The following SRBD1 variants were observed in gnomAD, a reference collection of about 807,000 sequenced individuals.
SRBD1 encodes S1 RNA-binding domain-containing protein 1.
A neutral mutation model predicts 115.3 loss-of-function variants in SRBD1; 88 were observed. The observed-to-expected ratio is 0.76, with a 90% confidence interval of 0.64 to 0.91. The LOEUF (loss-of-function observed/expected upper bound fraction) is 0.91. Ranked by LOEUF, SRBD1 falls within the 40% of genes least tolerant of loss-of-function variation. The pLI is 0.00. For synonymous variants in SRBD1, 509 were observed against 407.7 expected (o/e 1.25, Z -2.99); for missense variants, 1,385 against 1,177.4 (o/e 1.18, Z -2.58).
intron 14 of SRBD1, among the ~76,000 whole-genome samples, chr2:45,494,125 G>C (rs1057209224): frequency 6.6e-6 from 1 of 151,968 alleles, no homozygotes; most frequent in Non-Finnish European, 1.5e-5. Flanking sequence ...CTTTCATTAA[G>C]AATTATTATT....
At chr2:45,535,341 G>C (rs1247473114) in intron 14 of SRBD1, among the ~76,000 whole-genome samples, 1 of 151,982 alleles carries the variant, frequency 6.6e-6, no homozygotes, top group African/African-American at 2.4e-5. Flanking sequence ...AATAGGTTAA[G>C]ACCAAAATGT....
intron 14 of SRBD1, among the ~76,000 whole-genome samples, chr2:45,535,631 C>T (rs1671741910): frequency 6.6e-6 from 1 of 151,868 alleles, no homozygotes; most frequent in Non-Finnish European, 1.5e-5. Context: ...TCATCTGGGC[C>T]AGAAGATAAA....
At chr2:45,598,485 G>T (rs1673976878) in intron 4 of SRBD1, among the ~76,000 whole-genome samples, 1 of 151,884 alleles carries the variant, frequency 6.6e-6, no homozygotes, top group African/African-American at 2.4e-5. Context: ...GTGGTGGCAG[G>T]TGCCTGTAGT....
At chr2:45,457,077 A>T (rs1558407753) in intron 16 of SRBD1, among the ~76,000 whole-genome samples, 1 of 151,934 alleles carries the variant, frequency 6.6e-6, no homozygotes, top group Non-Finnish European at 1.5e-5. Context: ...TTATAGCATC[A>T]TTTTTGAAAA....
In SRBD1 at chr2:45,604,103, C is replaced by T. The variant is rs1168400818; in HGVS notation, c.80+1259G>A. ...ATTAGACCATTTCTCATCACTTTCA[C>T]ATCTAGAATCCTATGCTTCTACAAT... On this transcript the variant is annotated intron_variant, in intron 2 of 20. Coordinates refer to ENST00000263736, the MANE Select transcript of SRBD1 (RefSeq NM_018079.5). 2.6e-5 allele frequency among the ~76,000 whole-genome samples: 4 copies of T among 152,084 alleles called. No individual in the cohort carries two copies. The East Asian group carries it at 5.8e-4, about 22-fold the overall frequency.
rs765686249 is a variant in SRBD1, at chr2:45,393,080, T to C, written c.2563A>G (p.Met855Val). ...GTLYEVGKPE[M>V]QQKINSFLEK... ...AGGAATGAATTTATTTTTTGTTGCA[T>C]TTCAGGCTTTCCAACCTCATACAGT... is the stretch of plus-strand genomic sequence containing the variant. The change falls in exon 20 of 21, where the codon ATG becomes GTG. Residue 855 changes from methionine to valine, a missense_variant. Met to Val is a conservative substitution (Grantham distance 21, BLOSUM62 1). Transcript: ENST00000263736. The C allele has an allele frequency of 6.2e-7, 1 of 1,613,580 alleles. No individual in the cohort carries two copies. Among genetic ancestry groups the C allele is most frequent in the Non-Finnish European group, 8.5e-7 (1 of 1,179,902 alleles).
chr2:45,515,558 T>C (rs972616373), intron 14 of SRBD1, among the ~76,000 whole-genome samples: 1 of 152,144 alleles, frequency 6.6e-6, no homozygotes, highest in Non-Finnish European at 1.5e-5. Flanking sequence ...GAAGCAGAGC[T>C]GAGGTTCAAA....
In SRBD1 at chr2:45,553,729, A is replaced by C; in HGVS notation, c.1411T>G (p.Trp471Gly). 1 of 1,567,284 alleles carries C rather than the reference A, an allele frequency of 6.4e-7. No individual in the cohort carries two copies. The highest frequency in any genetic ancestry group is 8.6e-7 in the Non-Finnish European group (1 of 1,160,160). ...GGCCTTGCAAAGCTACGTGGTCTCC[A>C]CCTGCAAAACAGAAAAGCCCACACT... Reference protein sequence around the residue: ...EFCRWCIQNRWRPRSFARPEL... With the variant: ...EFCRWCIQNRGRPRSFARPEL... The change falls in exon 11 of 21, where the codon TGG becomes GGG. Residue 471 changes from tryptophan (W) to glycine (G), a missense_variant and splice_region_variant. Transcript: ENST00000263736.
chr2:45,421,935 G>A (rs1668020028), intron 16 of SRBD1, among the ~76,000 whole-genome samples: 2 of 152,118 alleles, frequency 1.3e-5, no homozygotes. Context: ...TAAAACCTTA[G>A]ATCTTACTGA....
intron 16 of SRBD1, among the ~76,000 whole-genome samples, chr2:45,434,765 T>C (rs1434174874): frequency 6.6e-6 from 1 of 150,494 alleles, no homozygotes; most frequent in Non-Finnish European, 1.5e-5. Flanking sequence ...TATTTGCATT[T>C]TTTTTCTTTT....
At chr2:45,473,350 G>A (rs1669708182) in intron 16 of SRBD1, among the ~76,000 whole-genome samples, 1 of 151,918 alleles carries the variant, frequency 6.6e-6, no homozygotes, top group Non-Finnish European at 1.5e-5. Flanking sequence ...ATCTGATCTA[G>A]ACTTAAATAT....
At chr2:45,524,559 A>G (rs550420325) in intron 14 of SRBD1, among the ~76,000 whole-genome samples, 155 of 152,174 alleles carry the variant, frequency 1.0e-3, no homozygotes, top group African/African-American at 3.5e-3. Context: ...ATCAAGAACA[A>G]CAAAATATTT....
chr2:45,538,555 T>C (rs75963537), intron 14 of SRBD1, among the ~76,000 whole-genome samples: 2 of 152,218 alleles, frequency 1.3e-5, no homozygotes, highest in African/African-American at 4.8e-5. Flanking sequence ...ACAGAAGATA[T>C]TTCAACTGCT....
At chr2:45,421,931 C>T (rs1668019791) in intron 16 of SRBD1, among the ~76,000 whole-genome samples, 3 of 152,020 alleles carry the variant, frequency 2.0e-5, no homozygotes. Flanking sequence ...AAAGTAAAAC[C>T]TTAGATCTTA....
At chr2:45,585,170 A>G (rs1178115498) in intron 5 of SRBD1, among the ~76,000 whole-genome samples, 3 of 151,982 alleles carry the variant, frequency 2.0e-5, no homozygotes, top group Non-Finnish European at 4.4e-5. Flanking sequence ...AAAAGATGGG[A>G]AAAGGAAATA....
intron 10 of SRBD1, among the ~76,000 whole-genome samples, chr2:45,556,533 G>C (rs1432265415): frequency 3.9e-5 from 5 of 129,640 alleles, no homozygotes; most frequent in African/African-American, 1.5e-4. Flanking sequence ...CACAATCTTG[G>C]CTCATTGCAA....
At chr2:45,528,501 AAC>A (rs1365008751) in intron 14 of SRBD1, among the ~76,000 whole-genome samples, 1 of 151,870 alleles carries the variant, frequency 6.6e-6, no homozygotes, top group Non-Finnish European at 1.5e-5. Context: ...GAATTTAAAA[AAC>A]ACATAAAAAA....
intron 15 of SRBD1, among the ~76,000 whole-genome samples, chr2:45,485,041 C>A (rs1172302143): frequency 6.6e-6 from 1 of 152,150 alleles, no homozygotes; most frequent in African/African-American, 2.4e-5. Context: ...GCTATAAGCA[C>A]TTGTGTACAA....
At chr2:45,499,844 A>C (rs1670572240) in intron 14 of SRBD1, among the ~76,000 whole-genome samples, 1 of 150,486 alleles carries the variant, frequency 6.6e-6, no homozygotes, top group Non-Finnish European at 1.5e-5. Flanking sequence ...CTTCTGTTCC[A>C]TTGGTCTATG....
Sources: allele counts gnomAD v4.1 joint callset (sites outside exome capture counted in the v4.1 genomes callset), GRCh38; gene constraint gnomAD v4.1.1; transcripts MANE v1.5; gene names NCBI Gene and HGNC (gene_info 2026-07-23, HGNC 2026-07-21).